Variants in TMPRSS11A observed in about 807,000 individuals in gnomAD.
TMPRSS11A encodes transmembrane serine protease 11A.
A neutral mutation model predicts 58.9 loss-of-function variants in TMPRSS11A; 53 were observed. The observed-to-expected ratio is 0.90, with a 90% CI of 0.72 to 1.13. TMPRSS11A has a LOEUF of 1.13. TMPRSS11A is among the 50% of genes most tolerant of loss of function. TMPRSS11A has a pLI of 0.00. For synonymous variants in TMPRSS11A, 167 were observed against 169.8 expected (o/e 0.98, Z 0.13); for missense variants, 493 against 499.3 (o/e 0.99, Z 0.12).
chr4:67,912,301 C>T (rs1355629917), intron 9 of TMPRSS11A, among the ~76,000 whole-genome samples: 1 of 151,798 alleles, frequency 6.6e-6, no homozygotes, highest in Non-Finnish European at 1.5e-5. Flanking sequence ...CACACACACA[C>T]ACACATACAC....
At chr4:67,920,597 A>G (rs535184361) in intron 7 of TMPRSS11A, among the ~76,000 whole-genome samples, 2 of 148,806 alleles carry the variant, frequency 1.3e-5, no homozygotes, top group African/African-American at 4.9e-5. Flanking sequence ...ATATACACAC[A>G]TATATATGTA....
intron 1 of TMPRSS11A, among the ~76,000 whole-genome samples, chr4:67,957,094 A>C (rs1341299363): frequency 6.6e-6 from 1 of 152,206 alleles, no homozygotes; most frequent in Non-Finnish European, 1.5e-5. Flanking sequence ...CCCCAGCCAC[A>C]TGGAACTGTG....
At chr4:67,959,614 T>C (rs2109774303) in intron 1 of TMPRSS11A, among the ~76,000 whole-genome samples, 1 of 152,164 alleles carries the variant, frequency 6.6e-6, no homozygotes, top group East Asian at 1.9e-4. Context: ...TTACTAATCG[T>C]CAGAGAAATA....
chr4:67,924,297 A>C, intron 5 of TMPRSS11A, 131 bp from the exon 6 acceptor site: 1 of 778,782 alleles, frequency 1.3e-6, no homozygotes. Context: ...AATTAGGAGA[A>C]TGGCTATCTG....
chr4:67,949,444 C>A (rs1241538673), intron 1 of TMPRSS11A, among the ~76,000 whole-genome samples: 1 of 152,212 alleles, frequency 6.6e-6, no homozygotes, highest in Non-Finnish European at 1.5e-5. Context: ...CAGATGCGCA[C>A]TGCCAGATTA....
chr4:67,938,819 G>C (rs560953634), intron 3 of TMPRSS11A, among the ~76,000 whole-genome samples: 1 of 150,054 alleles, frequency 6.7e-6, no homozygotes, highest in Non-Finnish European at 1.5e-5. Flanking sequence ...TAGCCTTAAA[G>C]TATAGTTTGA....
intron 1 of TMPRSS11A, among the ~76,000 whole-genome samples, chr4:67,957,146 G>T (rs1411289225): frequency 6.6e-6 from 1 of 152,126 alleles, no homozygotes. Flanking sequence ...CCCAGTCTCA[G>T]GTATGTCTTT....
intron 3 of TMPRSS11A, among the ~76,000 whole-genome samples, chr4:67,932,438 A>C (rs1720652840): frequency 6.6e-6 from 1 of 152,178 alleles, no homozygotes; most frequent in Admixed American, 6.5e-5. Flanking sequence ...AGAGGCTTTG[A>C]GTGGTGACAA....
intron 9 of TMPRSS11A, among the ~76,000 whole-genome samples, chr4:67,913,666 C>T (rs1265956462): frequency 6.6e-6 from 1 of 152,194 alleles, no homozygotes; most frequent in Non-Finnish European, 1.5e-5. Flanking sequence ...TCCCTAAATT[C>T]TGCCTGCCTC....
At chr4:67,925,199 G>A (rs1365258500) in intron 5 of TMPRSS11A, among the ~76,000 whole-genome samples, 2 of 152,076 alleles carry the variant, frequency 1.3e-5, no homozygotes, top group African/African-American at 4.8e-5. Flanking sequence ...AAAAAAGTGA[G>A]GAGTTTGACT....
chr4:67,956,683 T>C (rs1053493414), intron 1 of TMPRSS11A, among the ~76,000 whole-genome samples: 3 of 152,246 alleles, frequency 2.0e-5, no homozygotes, highest in Admixed American at 1.3e-4. Context: ...GTTGATGCAC[T>C]ACAAATGAAT....
In TMPRSS11A at chr4:67,930,060, G is replaced by A; in HGVS notation, c.321-20C>T. ...TCTGGACTGTGACACACAAAAGAAA[G>A]GTACATTTTCAAAGAATACACCTGG... is the stretch of plus-strand genomic sequence containing the variant. On this transcript the variant is annotated intron_variant, in intron 4 of 9. Coordinates refer to ENST00000508048, the MANE Select transcript of TMPRSS11A (RefSeq NM_001114387.2). 6.3e-7 allele frequency: 1 copy of A among 1,592,180 alleles called. No individual in the cohort carries two copies. Among genetic ancestry groups the A allele is most frequent in the Admixed American group, 1.7e-5 (1 of 58,254 alleles).
At chr4:67,925,779 A>G (rs868050591) in intron 5 of TMPRSS11A, among the ~76,000 whole-genome samples, 2 of 152,208 alleles carry the variant, frequency 1.3e-5, no homozygotes, top group African/African-American at 4.8e-5. Context: ...AGAATTCTTC[A>G]ATTGAAACTT....
intron 9 of TMPRSS11A, 67 bp from the exon 10 acceptor site, chr4:67,911,570 T>A (rs1391109634): frequency 1.5e-6 from 2 of 1,333,302 alleles, no homozygotes; most frequent in Admixed American, 4.3e-5. Flanking sequence ...ATTTAAGATA[T>A]TTTGATGAAT....
chr4:67,963,001 C>T (rs914392000), intron 1 of TMPRSS11A, among the ~76,000 whole-genome samples: 3 of 152,110 alleles, frequency 2.0e-5, no homozygotes, highest in African/African-American at 4.8e-5. Flanking sequence ...AAAGAGAAAA[C>T]GCTATAGAAG....
chr4:67,916,468 A>G (rs1209941477), intron 8 of TMPRSS11A, among the ~76,000 whole-genome samples: 1 of 62,968 alleles, frequency 1.6e-5, no homozygotes, highest in Non-Finnish European at 3.0e-5. Flanking sequence ...GTTTATATAT[A>G]TTATACACAC....
At chr4:67,933,882 T>A (rs191375255) in intron 3 of TMPRSS11A, among the ~76,000 whole-genome samples, 101 of 152,308 alleles carry the variant, frequency 6.6e-4, no homozygotes, top group Non-Finnish European at 1.3e-3. Flanking sequence ...CTGAATAAGT[T>A]CAACCACATT....
chr4:67,925,860 G>C (rs1428005003), intron 5 of TMPRSS11A, among the ~76,000 whole-genome samples: 2 of 152,156 alleles, frequency 1.3e-5, no homozygotes, highest in African/African-American at 4.8e-5. Context: ...TATAATGGTC[G>C]TGAATATAAC....
At chr4:67,917,463 T>C (rs1194595098) in intron 8 of TMPRSS11A, among the ~76,000 whole-genome samples, 2 of 152,206 alleles carry the variant, frequency 1.3e-5, no homozygotes, top group African/African-American at 2.4e-5. Context: ...GAATATACTT[T>C]GTACAATTTC....
Sources: allele counts gnomAD v4.1 joint callset (sites outside exome capture counted in the v4.1 genomes callset), GRCh38; gene constraint gnomAD v4.1.1; transcripts MANE v1.5; gene names NCBI Gene and HGNC (gene_info 2026-07-23, HGNC 2026-07-21).